GAGE1: variants seen among roughly 807,000 people sequenced by gnomAD.
GAGE1 encodes G antigen 4.
In GAGE1, 5 loss-of-function variants were observed where a neutral mutation model predicts 5.0. The ratio of observed to expected loss-of-function variants is 1.00; its 90% CI spans 0.52 to 2.11. The LOEUF (loss-of-function observed/expected upper bound fraction) is 2.11, where lower values mean the gene tolerates loss of function less well. Ranked by LOEUF, GAGE1 falls within the 30% of genes most tolerant of loss-of-function variation. The pLI is 0.01. For missense variants in GAGE1, 9 were observed against 38.9 expected (o/e 0.23, Z 2.04); for synonymous variants, 6 against 14.8 (o/e 0.40, Z 1.37).
At position 49,604,681 on chromosome X, in the gene GAGE1, A is replaced by G. The variant is rs1442739407; in HGVS notation, c.331+888A>G. On this transcript the variant is annotated intron_variant, in intron 4 of 4. Transcript: ENST00000381700. ...AAACCCTGGCCCGAGTCATCTGAAA[A>G]TCTCTGAATTGAGATTTCATTGTTA... Among the ~76,000 whole-genome samples, 3 of 112,399 alleles carry G rather than the reference A, an allele frequency of 2.7e-5. No homozygotes were observed. In the East Asian group the frequency reaches 8.4e-4, roughly 31 times the overall value.
At chrX:49,605,183 T>C (rs2066648346) in intron 4 of GAGE1, 2 of 943,433 alleles carry the variant, frequency 2.1e-6, no homozygotes, top group Non-Finnish European at 2.8e-6. Context: ...AAGATGCCTG[T>C]GCTATGCATG....
At chrX:49,605,661 C>T (rs782676433) in intron 4 of GAGE1, among the ~76,000 whole-genome samples, 4 of 111,574 alleles carry the variant, frequency 3.6e-5, no homozygotes, top group Middle Eastern at 4.6e-3. Context: ...CCTGTAATCC[C>T]AGCACTTTGG....
At chrX:49,604,967 C>G (rs1557131862) in intron 4 of GAGE1, 3 of 787,644 alleles carry the variant, frequency 3.8e-6, no homozygotes, top group Admixed American at 5.2e-5. Context: ...GCCAACGTAC[C>G]TGAGTAAAAT....
At chrX:49,602,729 A>G (rs1557131195) in intron 3 of GAGE1, among the ~76,000 whole-genome samples, 1 of 87,176 alleles carries the variant, frequency 1.1e-5, no homozygotes, top group Non-Finnish European at 2.6e-5. Flanking sequence ...ACAAAGATCA[A>G]AATCAGGAAA....
At chrX:49,605,180 C>G in intron 4 of GAGE1, 1 of 959,901 alleles carries the variant, frequency 1.0e-6, no homozygotes, top group Non-Finnish European at 1.4e-6. Flanking sequence ...AGTAAGATGC[C>G]TGTGCTATGC....
chrX:49,606,198 A>T lies in GAGE1; in HGVS notation c.*183A>T, dbSNP rs2066658924. 7.8e-6 allele frequency: 2 copies of T among 256,010 alleles called. No individual in the cohort carries two copies. The highest frequency in any genetic ancestry group is 1.2e-4 in the East Asian group (2 of 16,651). The allele number at this position is 256,010 out of a possible 1,213,427, so 21.1% of individuals were successfully genotyped here. On this transcript the variant is annotated 3_prime_UTR_variant, in exon 5 of 5. Coordinates refer to ENST00000381700, the MANE Select transcript of GAGE1 (RefSeq NM_001040663.4). ...TGCAATTTTGTATTCTATCTCCTTG[A>T]GCTGTGTGTAGAGGCATAATTCTCA...
rs1345255848 is a variant in GAGE1, at chrX:49,605,754, C to G, written c.332-239C>G. ...TGAAACCCCGTGTCTACTAAACATA[C>G]AAAAAATTAGCCCTTGTGGTGGCAC... On this transcript the variant is annotated intron_variant, in intron 4 of 4. Coordinates refer to ENST00000381700, the MANE Select transcript of GAGE1 (RefSeq NM_001040663.4). 4.5e-5 allele frequency among the ~76,000 whole-genome samples: 5 copies of G among 110,210 alleles called. 1 individual carries two copies. Among genetic ancestry groups the G allele is most frequent in the Admixed American group, 1.9e-4 (2 of 10,296 alleles).
rs201143227 is a variant in GAGE1, at chrX:49,605,018, G to T, written c.332-975G>T. On this transcript the variant is annotated intron_variant, in intron 4 of 4. Coordinates refer to ENST00000381700, the MANE Select transcript of GAGE1 (RefSeq NM_001040663.4). Reference sequence around the variant, plus strand: ...TGTAGAGATGAGGTCTCACTATGTTGCCCAGACTGGGATTCTCTGGCTTTT... The same window carrying T: ...TGTAGAGATGAGGTCTCACTATGTTTCCCAGACTGGGATTCTCTGGCTTTT... 3.1e-5 allele frequency: 31 copies of T among 1,010,064 alleles called. No homozygotes were observed. In the East Asian group the frequency reaches 1.0e-3, roughly 34 times the overall value. 83.2% of individuals were successfully genotyped at this position (1,010,064 alleles called of 1,213,427 possible). A position where few individuals can be genotyped will look rare whatever the true frequency, so the allele number is the denominator to read the frequency against.
At chrX:49,602,188 TTAAA>T (rs1303310068) in intron 3 of GAGE1, among the ~76,000 whole-genome samples, 2 of 113,127 alleles carry the variant, frequency 1.8e-5, no homozygotes, top group East Asian at 2.7e-4. Flanking sequence ...AATAAATTCA[TTAAA>T]TAAATAAAGT....
chrX:49,604,909 G>A (rs1352345512), intron 4 of GAGE1: 12 of 326,193 alleles, frequency 3.7e-5, no homozygotes, highest in Non-Finnish European at 6.5e-5. Flanking sequence ...CCAGGCTAAA[G>A]CAGTCCTCCC....
Position 49,608,500 on chromosome X carries a change from C to G in GAGE1, c.*2485C>G, listed in dbSNP as rs1242270557. ...TTGCCTGTTGCGAGGATGCTTTAGC[C>G]TACTCTAAGTTCTCCCAATAAATGC... On this transcript the variant is annotated 3_prime_UTR_variant, in exon 5 of 5. Coordinates refer to ENST00000381700, the MANE Select transcript of GAGE1 (RefSeq NM_001040663.4). 9.0e-6 allele frequency: 1 copy of G among 111,192 alleles called. No homozygotes were observed. The highest frequency in any genetic ancestry group is 1.9e-5 in the Non-Finnish European group (1 of 53,128). 9.2% of individuals were successfully genotyped at this position (111,192 alleles called of 1,213,427 possible). A position where few individuals can be genotyped will look rare whatever the true frequency, so the allele number is the denominator to read the frequency against.
Position 49,606,713 on chromosome X carries a change from A to G in GAGE1, c.*698A>G, listed in dbSNP as rs1394555400. Reference sequence around the variant, plus strand: ...AGCCATTCTGTTTTAGTTTGTTGAGAGTGTTCATTTTGAATATATGTTGAA... The same window carrying G: ...AGCCATTCTGTTTTAGTTTGTTGAGGGTGTTCATTTTGAATATATGTTGAA... On this transcript the variant is annotated 3_prime_UTR_variant, in exon 5 of 5. Transcript: ENST00000381700. 8.9e-6 allele frequency: 1 copy of G among 111,767 alleles called. No individual in the cohort carries two copies. Among genetic ancestry groups the G allele is most frequent in the Non-Finnish European group, 1.9e-5 (1 of 53,187 alleles). 9.2% of individuals were successfully genotyped at this position (111,767 alleles called of 1,213,427 possible).
Position 49,606,006 on chromosome X carries a change from A to G in GAGE1, c.345A>G (p.Ser115=), listed in dbSNP as rs782215094. The G allele has an allele frequency of 8.4e-6, 9 of 1,073,966 alleles. No individual in the cohort carries two copies. Among genetic ancestry groups the G allele is most frequent in the South Asian group, 3.1e-5 (1 of 32,765 alleles). The allele number at this position is 1,073,966 out of a possible 1,213,427, so 88.5% of individuals were successfully genotyped here. ...GTTTTGTTTCAGGTGAAGGGCAATC[A>G]CAGTGTTAAAAGAAGACATGCTGAA... The part of the protein sequence containing the change: ...VKTPEEGEGQ[S]QC The change falls in exon 5 of 5, where the codon TCA becomes TCG. Residue 115 remains serine, a synonymous_variant. Coordinates refer to ENST00000381700, the MANE Select transcript of GAGE1 (RefSeq NM_001040663.4).
At chrX:49,602,325 T>C (rs1557131038) in intron 3 of GAGE1, among the ~76,000 whole-genome samples, 1 of 92,389 alleles carries the variant, frequency 1.1e-5, no homozygotes, top group African/African-American at 3.4e-5. Flanking sequence ...TTTTAGGATA[T>C]CTGTATTTTG....
intron 4 of GAGE1, among the ~76,000 whole-genome samples, chrX:49,604,424 A>G (rs782646068): frequency 2.7e-5 from 3 of 112,626 alleles, no homozygotes; most frequent in South Asian, 3.7e-4. Flanking sequence ...GGTGTGAAAA[A>G]TGCTGAAGCA....
Position 49,608,293 on chromosome X carries a change from G to A in GAGE1, c.*2278G>A. 9.0e-6 allele frequency: 1 copy of A among 111,573 alleles called. No homozygotes were observed. The allele number at this position is 111,573 out of a possible 1,213,427, so 9.2% of individuals were successfully genotyped here. A position where few individuals can be genotyped will look rare whatever the true frequency, so the allele number is the denominator to read the frequency against. On this transcript the variant is annotated 3_prime_UTR_variant, in exon 5 of 5. Transcript: ENST00000381700. ...CTTTGACTGTGCTGTGACCCAGCCA[G>A]CTGCATGTTTACCCAGCATGCTTGA... is the stretch of plus-strand genomic sequence containing the variant.
chrX:49,605,134 G>T lies in GAGE1; in HGVS notation c.332-859G>T, dbSNP rs200416584. The T allele has an allele frequency of 3.3e-4, 335 of 1,006,149 alleles. No homozygotes were observed. The African/African-American group carries it at 5.8e-3, about 17-fold the overall frequency. The allele number at this position is 1,006,149 out of a possible 1,213,427, so 82.9% of individuals were successfully genotyped here. ...AGAGACCGTTTAGTTCCTATCATCTGTGGCATGTAAGTCAGTGATGCTCAG... is the reference window on the plus strand; with the variant it reads ...AGAGACCGTTTAGTTCCTATCATCTTTGGCATGTAAGTCAGTGATGCTCAG... On this transcript the variant is annotated intron_variant, in intron 4 of 4. Coordinates refer to ENST00000381700, the MANE Select transcript of GAGE1 (RefSeq NM_001040663.4).
At chrX:49,605,871 G>C in intron 4 of GAGE1, 122 bp from the exon 5 acceptor site, 1 of 410,199 alleles carries the variant, frequency 2.4e-6, no homozygotes, top group Non-Finnish European at 3.4e-6. Context: ...TTGCTCCACT[G>C]TACTCCAGCC....
At chrX:49,604,054 T>C (rs1458031967) in intron 4 of GAGE1, among the ~76,000 whole-genome samples, 1 of 112,719 alleles carries the variant, frequency 8.9e-6, no homozygotes, top group South Asian at 3.6e-4. Context: ...GGTTTCGTTA[T>C]GTTGCACAGG....
Sources: gnomAD v4.1 joint callset for allele counts (sites outside exome capture counted in the v4.1 genomes callset) on GRCh38, gnomAD v4.1.1 for gene constraint, MANE v1.5 for transcripts, NCBI Gene and HGNC (gene_info 2026-07-23, HGNC 2026-07-21) for gene names.